The following NUP50 variants were observed in gnomAD, a reference collection of about 807,000 sequenced individuals.
The protein encoded by NUP50 is nuclear pore complex protein Nup50.
In NUP50, 14 loss-of-function variants were observed where a neutral mutation model predicts 36.8. The observed-to-expected ratio is 0.38, with a 90% CI of 0.25 to 0.59. The LOEUF (loss-of-function observed/expected upper bound fraction) is 0.59, where lower values mean the gene tolerates loss of function less well. Among genes scored for constraint, NUP50 ranks in the 20% least tolerant of loss-of-function variants. The probability of loss-of-function intolerance (pLI) is 0.63; values close to 1 mark genes in which losing one functional copy is unlikely to be tolerated. For missense variants in NUP50, 455 were observed against 564.6 expected (o/e 0.81, Z 1.97); for synonymous variants, 195 against 210.8 (o/e 0.93, Z 0.65).
At chr22:45,171,847 G>A in intron 3 of NUP50, 164 bp downstream of exon 3, 1 of 576,852 alleles carries the variant, frequency 1.7e-6, no homozygotes, top group South Asian at 2.2e-5. Flanking sequence ...CGTCAGGTCT[G>A]GACCTTAAAG....
At position 45,182,623 on chromosome 22, in the gene NUP50, G is replaced by GTTTTTTTT. The variant is rs550478534; in HGVS notation, c.1086-767_1086-760dup. Among the ~76,000 whole-genome samples, 854 of 95,856 alleles carry GTTTTTTTT rather than the reference G, an allele frequency of 8.9e-3. 58 individuals carry two copies. The highest frequency in any genetic ancestry group is 0.019 in the Middle Eastern group (2 of 108). The allele number at this position is 95,856 out of a possible 152,430, so 62.9% of individuals were successfully genotyped here. A position where few individuals can be genotyped will look rare whatever the true frequency, so the allele number is the denominator to read the frequency against. The stretch of plus-strand genomic sequence containing the variant: ...AAAAACTGAAAGAGCCTTGAGGTTT[G>GTTTTTTTT]TTTTTTTTTTTTTTTTTTTGAGACG... On this transcript the variant is annotated intron_variant, in intron 6 of 7. Coordinates refer to ENST00000347635, the MANE Select transcript of NUP50 (RefSeq NM_007172.4).
At chr22:45,183,912 G>A (rs919164746) in intron 7 of NUP50, 4 of 214,662 alleles carry the variant, frequency 1.9e-5, no homozygotes, top group African/African-American at 9.3e-5. Flanking sequence ...AGTGCCCGGA[G>A]GAGGAGGAAG....
intron 1 of NUP50, 126 bp from the exon 2 acceptor site, chr22:45,168,042 C>T (rs2074122492): frequency 4.2e-6 from 3 of 707,816 alleles, no homozygotes; most frequent in South Asian, 3.6e-5. Context: ...TTTCCAGATG[C>T]TTTTTTTCCC....
In NUP50 at chr22:45,186,395, T is replaced by C. The variant is rs1436462143; in HGVS notation, c.*1740T>C. 6.6e-6 allele frequency: 1 copy of C among 152,210 alleles called. No individual in the cohort carries two copies. The highest frequency in any genetic ancestry group is 1.5e-5 in the Non-Finnish European group (1 of 68,034). 9.4% of individuals were successfully genotyped at this position (152,210 alleles called of 1,614,324 possible). A position where few individuals can be genotyped will look rare whatever the true frequency, so the allele number is the denominator to read the frequency against. On this transcript the variant is annotated 3_prime_UTR_variant, in exon 8 of 8. Transcript: ENST00000347635. ...GCTGTTAATACCGGCCCCACCCGAT[T>C]GACATTAAGTTTATTCAGCTTTTAA...
chr22:45,179,137 C>T lies in NUP50; in HGVS notation c.1003+237C>T, dbSNP rs894599142. 3.9e-5 allele frequency: 16 copies of T among 414,394 alleles called. No individual in the cohort carries two copies. In the East Asian group the frequency reaches 5.7e-4, roughly 15 times the overall value. 25.7% of individuals were successfully genotyped at this position (414,394 alleles called of 1,614,324 possible). ...TAAAAATAAAATGAATTTGAAAACA[C>T]CTGACTTTGAAAAGTCTCAAACACA... is the stretch of plus-strand genomic sequence containing the variant. On this transcript the variant is annotated intron_variant, in intron 5 of 7. Transcript: ENST00000347635.
intron 5 of NUP50, chr22:45,179,167 GT>G: frequency 2.9e-6 from 1 of 344,362 alleles, no homozygotes; most frequent in Non-Finnish European, 5.2e-6. Flanking sequence ...AACACACATG[GT>G]TTAGCATATA....
intron 6 of NUP50, among the ~76,000 whole-genome samples, chr22:45,182,480 A>G (rs1275316795): frequency 6.6e-6 from 1 of 151,532 alleles, no homozygotes; most frequent in Non-Finnish European, 1.5e-5. Context: ...ATGGTTTTGT[A>G]TTAATAACCT....
Position 45,181,146 on chromosome 22 carries a change from C to A in NUP50, c.1004-140C>A, listed in dbSNP as rs969532104. On this transcript the variant is annotated intron_variant, in intron 5 of 7. Coordinates refer to ENST00000347635, the MANE Select transcript of NUP50 (RefSeq NM_007172.4). The stretch of plus-strand genomic sequence containing the variant: ...ACTCCCTTCTGGCATCCCCCCCCCC[C>A]CCCATTAAGTGTGCATTTTAGTCTG... 2.3e-5 allele frequency: 4 copies of A among 173,398 alleles called. 1 individual carries two copies. The highest frequency in any genetic ancestry group is 2.7e-5 in the African/African-American group (1 of 36,468). The allele number at this position is 173,398 out of a possible 1,614,324, so 10.7% of individuals were successfully genotyped here.
At chr22:45,184,154 C>A (rs1037677055) in intron 7 of NUP50, 6 of 393,460 alleles carry the variant, frequency 1.5e-5, no homozygotes, top group Non-Finnish European at 2.3e-5. Context: ...AGTGCAAAGA[C>A]GGACAGTGTT....
chr22:45,170,240 G>T (rs1161508107), intron 2 of NUP50, among the ~76,000 whole-genome samples: 1 of 151,838 alleles, frequency 6.6e-6, no homozygotes, highest in African/African-American at 2.4e-5. Flanking sequence ...CGGTCTCCGT[G>T]TCTTGGTGGT....
At chr22:45,168,898 A>AT (rs34675932) in intron 2 of NUP50, among the ~76,000 whole-genome samples, 18,099 of 131,288 alleles carry the variant, frequency 0.14, 1,565 homozygotes, top group Middle Eastern at 0.21. Flanking sequence ...TATAAAAAAA[A>AT]TTTTTTTTTT....
intron 4 of NUP50, among the ~76,000 whole-genome samples, chr22:45,176,844 C>T (rs1403643220): frequency 2.0e-5 from 3 of 151,950 alleles, no homozygotes; most frequent in South Asian, 2.1e-4. Flanking sequence ...TGGGTTTAAG[C>T]GATTCTCCTG....
intron 2 of NUP50, among the ~76,000 whole-genome samples, chr22:45,169,113 A>T (rs574574485): frequency 6.6e-6 from 1 of 152,142 alleles, no homozygotes; most frequent in African/African-American, 2.4e-5. Flanking sequence ...TGTTGGTCAG[A>T]CTGGTCTCAA....
In NUP50 at chr22:45,181,374, AT is replaced by A; in HGVS notation, c.1085+8del. On this transcript the variant is annotated splice_region_variant and intron_variant, in intron 6 of 7. Coordinates refer to ENST00000347635, the MANE Select transcript of NUP50 (RefSeq NM_007172.4). ...ATGCTTTTTACTCCAAAAAGTAAGA[AT>A]CCCCACAACCTGCTGGCGCATGTGT... 6.4e-7 allele frequency: 1 copy of A among 1,571,430 alleles called. No individual in the cohort carries two copies. Among genetic ancestry groups the A allele is most frequent in the South Asian group, 1.2e-5 (1 of 86,206 alleles).
rs1324358656 is a variant in NUP50, at chr22:45,187,192, T to G, written c.*2537T>G. On this transcript the variant is annotated 3_prime_UTR_variant, in exon 8 of 8. Transcript: ENST00000347635. ...TTTTTTTTTTTTTTTTTAAAACCTG[T>G]GTATCCATCTCATCCTTTTGCGCAT... The G allele has an allele frequency of 6.7e-6, 1 of 150,320 alleles. No homozygotes were observed. The highest frequency in any genetic ancestry group is 1.5e-5 in the Non-Finnish European group (1 of 67,714). The allele number at this position is 150,320 out of a possible 1,614,324, so 9.3% of individuals were successfully genotyped here.
Position 45,178,842 on chromosome 22 carries a change from A to T in NUP50, c.945A>T (p.Ser315=), listed in dbSNP as rs201527111. 5.0e-5 allele frequency: 80 copies of T among 1,613,754 alleles called. No homozygotes were observed. In the African/African-American group the frequency reaches 9.2e-4, roughly 19 times the overall value. ...CTACCCAGAGTAAACCAGTCTCTTC[A>T]CCATTTCCCACTAAACCATTGGAGG... ...KDTTQSKPVS[S]PFPTKPLEGQ... Residue 315 remains serine (S), a synonymous_variant, in exon 5 of 8, where the codon TCA becomes TCT. Transcript: ENST00000347635.
At chr22:45,169,024 C>G (rs2074141946) in intron 2 of NUP50, among the ~76,000 whole-genome samples, 1 of 151,266 alleles carries the variant, frequency 6.6e-6, no homozygotes, top group Non-Finnish European at 1.5e-5. Flanking sequence ...GCCTCAGCCT[C>G]CCGAGTAGCT....
chr22:45,170,999 G>T, intron 2 of NUP50: 1 of 1,304,012 alleles, frequency 7.7e-7, no homozygotes, highest in Non-Finnish European at 1.0e-6. Flanking sequence ...GTAAAAGAAG[G>T]GCTATAAACT....
rs1190802158 is a variant in NUP50, at chr22:45,164,017, C to G, written c.-290C>G. 1 of 152,214 alleles carries G rather than the reference C, an allele frequency of 6.6e-6. No individual in the cohort carries two copies. Among genetic ancestry groups the G allele is most frequent in the African/African-American group, 2.4e-5 (1 of 41,460 alleles). The allele number at this position is 152,214 out of a possible 1,614,324, so 9.4% of individuals were successfully genotyped here. A position where few individuals can be genotyped will look rare whatever the true frequency, so the allele number is the denominator to read the frequency against. On this transcript the variant is annotated 5_prime_UTR_variant, in exon 1 of 8. Transcript: ENST00000347635. ...GGGGTAGATTCGAGTTACAAAATGG[C>G]CGCCCGGAGCGTGTTCGGCGCGGTT...
Sources: allele counts gnomAD v4.1 joint callset (sites outside exome capture counted in the v4.1 genomes callset), GRCh38; gene constraint gnomAD v4.1.1; transcripts MANE v1.5; gene names NCBI Gene and HGNC (gene_info 2026-07-23, HGNC 2026-07-21).